Variants in UGT1A8 observed in about 807,000 individuals in gnomAD.
The protein encoded by UGT1A8 is UDP-glucuronosyltransferase 1A8.
Under a neutral mutation model 45.3 loss-of-function variants are expected in UGT1A8, and 39 were observed. The observed-to-expected ratio is 0.86, with a 90% CI of 0.67 to 1.12. The LOEUF (loss-of-function observed/expected upper bound fraction) is 1.12, where lower values mean the gene tolerates loss of function less well. UGT1A8 is among the 50% of genes most tolerant of loss of function. The pLI is 0.00. For missense variants in UGT1A8, 719 were observed against 664.9 expected (o/e 1.08, Z -0.90); for synonymous variants, 275 against 249.2 (o/e 1.10, Z -0.97).
rs576748005 is a variant in UGT1A8 at position 233,703,104 on chromosome 2, T to C, written c.856-63930T>C. On this transcript the variant is annotated intron_variant, in intron 1 of 4. Coordinates refer to ENST00000373450, the MANE Select transcript of UGT1A8 (RefSeq NM_019076.5). ...GCTTTTCTTGCAGGAGGTTTTAAAA[T>C]TACTAATTTAATCTTTTTACCTGTT... Among the ~76,000 whole-genome samples, 7 of 152,330 alleles carry C rather than the reference T, an allele frequency of 4.6e-5. No homozygotes were observed. The East Asian group carries it at 1.3e-3, about 29-fold the overall frequency.
At chr2:233,686,738 C>T (rs887887511) in intron 1 of UGT1A8, among the ~76,000 whole-genome samples, 2 of 152,214 alleles carry the variant, frequency 1.3e-5, no homozygotes, top group Admixed American at 6.5e-5. Context: ...AACCTCTTGC[C>T]TTCCCTAGCC....
At position 233,769,460 on chromosome 2, in the gene UGT1A8, TATGC is replaced by T. The variant is rs1219729658; in HGVS notation, c.1295+1022_1295+1025del. ...GTGTGGGTGCACACGTGTGCATTCA[TATGC>T]GTGTGTGTGTGTGTGCGTGTGTTTA... On this transcript the variant is annotated intron_variant, in intron 4 of 4. Coordinates refer to ENST00000373450, the MANE Select transcript of UGT1A8 (RefSeq NM_019076.5). The surrounding 1 kb of genome is among the most constrained non-coding windows in gnomAD (Gnocchi z 4.4). 1.1e-5 allele frequency: 17 copies of T among 1,601,706 alleles called. No homozygotes were observed. Among genetic ancestry groups the T allele is most frequent in the Non-Finnish European group, 1.3e-5 (15 of 1,170,686 alleles).
chr2:233,658,646 G>T (rs2073904140), intron 1 of UGT1A8, among the ~76,000 whole-genome samples: 3 of 152,176 alleles, frequency 2.0e-5, no homozygotes, highest in African/African-American at 7.2e-5. Flanking sequence ...TTAGACTGGG[G>T]TTATAGGTTT....
chr2:233,701,455 G>T (rs573643817), intron 1 of UGT1A8, among the ~76,000 whole-genome samples: 1 of 152,102 alleles, frequency 6.6e-6, no homozygotes, highest in African/African-American at 2.4e-5. Context: ...AGTTAACAAG[G>T]ATACCCAGGA....
chr2:233,685,448 C>T (rs1020256120), intron 1 of UGT1A8, among the ~76,000 whole-genome samples: 1 of 152,216 alleles, frequency 6.6e-6, no homozygotes, highest in Non-Finnish European at 1.5e-5. Context: ...GCTGAATCTA[C>T]ACCATCTAGG....
At chr2:233,725,270 A>AGAGGCAGAG (rs2077418450) in intron 1 of UGT1A8, among the ~76,000 whole-genome samples, 1 of 37,556 alleles carries the variant, frequency 2.7e-5, no homozygotes, top group Non-Finnish European at 5.1e-5. Flanking sequence ...CAGAGGAGGC[A>AGAGGCAGAG]GAGGCAGAGG....
intron 1 of UGT1A8, among the ~76,000 whole-genome samples, chr2:233,659,755 A>C (rs1014429944): frequency 2.0e-5 from 3 of 152,230 alleles, no homozygotes; most frequent in African/African-American, 7.2e-5. Flanking sequence ...ATTCTTCTTC[A>C]CCATTTGCTT....
intron 1 of UGT1A8, among the ~76,000 whole-genome samples, chr2:233,673,495 T>C (rs1246141982): frequency 6.6e-6 from 1 of 152,174 alleles, no homozygotes; most frequent in East Asian, 1.9e-4. Context: ...TTTATCTTAG[T>C]TGACTAGAGC....
intron 1 of UGT1A8, chr2:233,682,038 A>T (rs201684360): frequency 1.2e-6 from 2 of 1,614,046 alleles, no homozygotes; most frequent in South Asian, 1.1e-5. Flanking sequence ...GTGCCCATGG[A>T]TGGGAGCCAC....
At chr2:233,762,431 A>G (rs1698072328) in intron 1 of UGT1A8, among the ~76,000 whole-genome samples, 1 of 152,242 alleles carries the variant, frequency 6.6e-6, no homozygotes, top group Non-Finnish European at 1.5e-5. Context: ...ATAGAGTAAC[A>G]GTGTATTCCC....
At chr2:233,623,938 G>C (rs535515002) in intron 1 of UGT1A8, among the ~76,000 whole-genome samples, 1 of 152,126 alleles carries the variant, frequency 6.6e-6, no homozygotes, top group African/African-American at 2.4e-5. Flanking sequence ...CATCCACAGG[G>C]GTCCTGCAAA....
At chr2:233,718,222 C>T (rs1241486785) in intron 1 of UGT1A8, among the ~76,000 whole-genome samples, 1 of 152,182 alleles carries the variant, frequency 6.6e-6, no homozygotes, top group Non-Finnish European at 1.5e-5. Context: ...ACAGCCACTT[C>T]AGAGAGAGTC....
At chr2:233,732,639 A>G (rs1283662238) in intron 1 of UGT1A8, among the ~76,000 whole-genome samples, 1 of 151,906 alleles carries the variant, frequency 6.6e-6, no homozygotes, top group Non-Finnish European at 1.5e-5. Context: ...TATTTCTGAG[A>G]CCACTGTTCT....
chr2:233,663,577 A>G (rs901861530), intron 1 of UGT1A8, among the ~76,000 whole-genome samples: 2 of 152,208 alleles, frequency 1.3e-5, no homozygotes, highest in Non-Finnish European at 2.9e-5. Flanking sequence ...CGTAACCTCC[A>G]TCTGCATGAA....
At chr2:233,717,985 CAG>C in intron 1 of UGT1A8, 1 of 441,518 alleles carries the variant, frequency 2.3e-6, no homozygotes, top group Non-Finnish European at 4.5e-6. Flanking sequence ...AAGAGGAATT[CAG>C]ACTGTGCAAG....
chr2:233,743,897 A>G (rs1231389302), intron 1 of UGT1A8: 4 of 1,366,642 alleles, frequency 2.9e-6, no homozygotes, highest in Non-Finnish European at 3.9e-6. Flanking sequence ...CACGTCCAGC[A>G]CCTCGTAGTA....
intron 1 of UGT1A8, among the ~76,000 whole-genome samples, chr2:233,706,453 A>G (rs919599905): frequency 2.6e-5 from 4 of 152,254 alleles, no homozygotes; most frequent in Non-Finnish European, 5.9e-5. Context: ...GCAAATGACC[A>G]TTGAGGTTTC....
chr2:233,684,971 G>A (rs796396541), intron 1 of UGT1A8, among the ~76,000 whole-genome samples: 38 of 152,170 alleles, frequency 2.5e-4, no homozygotes, highest in African/African-American at 8.9e-4. Flanking sequence ...AGAAAGCATT[G>A]CTTGATGATG....
chr2:233,719,879 C>T (rs573880021), intron 1 of UGT1A8, among the ~76,000 whole-genome samples: 35 of 152,076 alleles, frequency 2.3e-4, no homozygotes, highest in Non-Finnish European at 3.7e-4. Context: ...AGAAGAGGCA[C>T]GGATGAGGGT....
Sources: allele counts gnomAD v4.1 joint callset (sites outside exome capture counted in the v4.1 genomes callset), GRCh38; gene constraint gnomAD v4.1.1; non-coding constraint Gnocchi (gnomAD v3.1); transcripts MANE v1.5; gene names NCBI Gene and HGNC (gene_info 2026-07-23, HGNC 2026-07-21).